Variants in CNTNAP5 observed in about 807,000 individuals in gnomAD.
The protein encoded by CNTNAP5 is contactin associated protein family member 5, also known as contactin-associated protein-like 5.
Under a neutral mutation model 150.2 loss-of-function variants are expected in CNTNAP5, and 72 were observed. The observed-to-expected ratio is 0.48, with a 90% CI of 0.40 to 0.58. The LOEUF (loss-of-function observed/expected upper bound fraction) is 0.58. Among genes scored for constraint, CNTNAP5 ranks in the 20% least tolerant of loss-of-function variants. CNTNAP5 has a pLI of 0.00. For synonymous variants in CNTNAP5, 672 were observed against 619.8 expected, an observed-to-expected ratio of 1.08 and a Z score of -1.25; for missense variants, 1,636 against 1,626.2, an observed-to-expected ratio of 1.01 and a Z score of -0.10.
intron 21 of CNTNAP5, among the ~76,000 whole-genome samples, chr2:124,901,678 T>C (rs1415741268): frequency 3.3e-5 from 5 of 152,172 alleles, no homozygotes; most frequent in Non-Finnish European, 5.9e-5. Context: ...TTTAAGCTCT[T>C]TAAAGTCATT....
chr2:124,241,642 A>T lies in CNTNAP5; in HGVS notation c.188-558A>T, dbSNP rs144400409. On this transcript the variant is annotated intron_variant, in intron 2 of 23. Transcript: ENST00000682447. ...CCTGGTGCTCAACAAACATCTGCCG[A>T]ATAAATGAATGATACTCTTCAAAGG... 2.0e-5 allele frequency among the ~76,000 whole-genome samples: 3 copies of T among 152,288 alleles called. No homozygotes were observed. The East Asian group carries it at 5.8e-4, about 29-fold the overall frequency.
At chr2:124,843,568 C>A (rs150627335) in intron 19 of CNTNAP5, among the ~76,000 whole-genome samples, 4 of 152,154 alleles carry the variant, frequency 2.6e-5, no homozygotes, top group Non-Finnish European at 4.4e-5. Context: ...ACTTTTAGTT[C>A]TTTAAGGAAT....
chr2:124,204,978 T>A (rs1685826820), intron 1 of CNTNAP5, among the ~76,000 whole-genome samples: 1 of 152,146 alleles, frequency 6.6e-6, no homozygotes, highest in African/African-American at 2.4e-5. Context: ...CACTAAAATG[T>A]AAGGGCCTAG....
intron 1 of CNTNAP5, among the ~76,000 whole-genome samples, chr2:124,154,049 T>C (rs530307001): frequency 5.0e-4 from 76 of 152,302 alleles, no homozygotes; most frequent in Admixed American, 7.8e-4. Flanking sequence ...ATATGAATTT[T>C]AGGGGGCACA....
chr2:124,146,088 T>A (rs991047274), intron 1 of CNTNAP5, among the ~76,000 whole-genome samples: 1 of 152,138 alleles, frequency 6.6e-6, no homozygotes, highest in Admixed American at 6.5e-5. Context: ...TCACCATACC[T>A]GCTAACAAAG....
intron 13 of CNTNAP5, among the ~76,000 whole-genome samples, chr2:124,701,166 T>C (rs940305501): frequency 6.6e-6 from 1 of 152,094 alleles, no homozygotes; most frequent in African/African-American, 2.4e-5. Flanking sequence ...CCATTTCCTA[T>C]GCATTTTCTA....
chr2:124,121,484 G>A (rs921037141), intron 1 of CNTNAP5, among the ~76,000 whole-genome samples: 2 of 152,198 alleles, frequency 1.3e-5, no homozygotes, highest in African/African-American at 4.8e-5. Context: ...TGGCGCTGCA[G>A]GAGAGACTGC....
At chr2:124,244,104 A>T (rs1180229618) in intron 3 of CNTNAP5, among the ~76,000 whole-genome samples, 1 of 152,002 alleles carries the variant, frequency 6.6e-6, no homozygotes, top group East Asian at 1.9e-4. Context: ...TTTAATCATG[A>T]GTTTCATCTT....
rs951742435 is a variant in CNTNAP5, at chr2:124,661,958, C to T, written c.2077+14000C>T. Reference sequence around the variant, plus strand: ...TGGTGGTTTGCTGCACCAGTCAGTCCATCATCTACATTAGGTATTTCTCCT... The same window carrying T: ...TGGTGGTTTGCTGCACCAGTCAGTCTATCATCTACATTAGGTATTTCTCCT... On this transcript the variant is annotated intron_variant, in intron 13 of 23. Transcript: ENST00000682447. 5.3e-5 allele frequency among the ~76,000 whole-genome samples: 8 copies of T among 151,998 alleles called. 1 individual carries two copies. The highest frequency in any genetic ancestry group is 5.2e-4 in the Admixed American group (8 of 15,252).
intron 8 of CNTNAP5, among the ~76,000 whole-genome samples, chr2:124,510,301 C>CTATATATATA (rs368230554): frequency 2.8e-5 from 3 of 106,056 alleles, no homozygotes; most frequent in African/African-American, 7.6e-5. Context: ...ATCTATATAT[C>CTATATATATA]TATATATATA....
At chr2:124,562,732 T>C (rs1285425164) in intron 10 of CNTNAP5, among the ~76,000 whole-genome samples, 1 of 152,200 alleles carries the variant, frequency 6.6e-6, no homozygotes, top group African/African-American at 2.4e-5. Context: ...AATATCATCT[T>C]TTCTAACTTC....
chr2:124,706,907 G>GAGGAAGAGGAAGAAGA (rs1679669757), intron 13 of CNTNAP5, among the ~76,000 whole-genome samples: 1 of 4,898 alleles, frequency 2.0e-4, no homozygotes, highest in African/African-American at 5.7e-4. Context: ...GAAGAAGGAG[G>GAGGAAGAGGAAGAAGA]AGGAGGAGGA....
At chr2:124,887,154 G>A (rs1225024006) in intron 21 of CNTNAP5, among the ~76,000 whole-genome samples, 1 of 152,006 alleles carries the variant, frequency 6.6e-6, no homozygotes, top group East Asian at 1.9e-4. Flanking sequence ...CTGAAGCTGT[G>A]TAAGCTCTTA....
chr2:124,453,964 C>CA (rs1693052185), intron 6 of CNTNAP5, among the ~76,000 whole-genome samples: 1 of 151,938 alleles, frequency 6.6e-6, no homozygotes, highest in African/African-American at 2.4e-5. Context: ...ACCTACAAAA[C>CA]AAAAAATACA....
chr2:124,769,603 C>T (rs1373548232), intron 16 of CNTNAP5, among the ~76,000 whole-genome samples: 1 of 152,178 alleles, frequency 6.6e-6, no homozygotes, highest in Non-Finnish European at 1.5e-5. Flanking sequence ...TTGAGTTTGC[C>T]TTAAGGGCCC....
intron 3 of CNTNAP5, among the ~76,000 whole-genome samples, chr2:124,361,618 C>T (rs1353525120): frequency 7.2e-6 from 1 of 139,428 alleles, no homozygotes; most frequent in Admixed American, 7.0e-5. Flanking sequence ...AGTTAGGCTG[C>T]TCGGGGGTCA....
chr2:124,025,799 C>A, intron 1 of CNTNAP5, 67 bp downstream of exon 1: 1 of 1,270,602 alleles, frequency 7.9e-7, no homozygotes, highest in Non-Finnish European at 1.2e-6. Flanking sequence ...AGACAATCAA[C>A]TATCTAAGCG....
At chr2:124,272,669 T>C (rs527740019) in intron 3 of CNTNAP5, among the ~76,000 whole-genome samples, 2 of 152,314 alleles carry the variant, frequency 1.3e-5, no homozygotes, top group East Asian at 3.9e-4. Context: ...GCTGATCAGA[T>C]TGCTTCAGTG....
rs1244604534 is a variant in CNTNAP5 at position 124,401,164 on chromosome 2, C to A, written c.382-16279C>A. Among the ~76,000 whole-genome samples, 6 of 152,280 alleles carry A rather than the reference C, an allele frequency of 3.9e-5. No individual in the cohort carries two copies. In the South Asian group the frequency reaches 6.2e-4, roughly 16 times the overall value. On this transcript the variant is annotated intron_variant, in intron 3 of 23. Transcript: ENST00000682447. The stretch of plus-strand genomic sequence containing the variant: ...TACAGGTGTGAGCCATCGTGCCCAG[C>A]CAATTATCTCTTACACTTAACACAG...
Sources: allele counts gnomAD v4.1 joint callset (sites outside exome capture counted in the v4.1 genomes callset), GRCh38; gene constraint gnomAD v4.1.1; transcripts MANE v1.5; gene names NCBI Gene and HGNC (gene_info 2026-07-23, HGNC 2026-07-21).